LRRC4C: variants seen among roughly 807,000 people sequenced by gnomAD.
LRRC4C encodes leucine-rich repeat-containing protein 4C.
LRRC4C carries 5 observed loss-of-function variants against 33.6 expected under a neutral mutation model. That is an observed-to-expected ratio of 0.15 (90% CI 0.08 to 0.31). The LOEUF (loss-of-function observed/expected upper bound fraction) is 0.31, where lower values mean the gene tolerates loss of function less well. Among genes scored for constraint, LRRC4C ranks in the 10% least tolerant of loss-of-function variants. The probability of loss-of-function intolerance (pLI) is 1.00; values close to 1 mark genes in which losing one functional copy is unlikely to be tolerated. For missense variants in LRRC4C, 560 were observed against 796.7 expected (o/e 0.70, Z 3.58); for synonymous variants, 329 against 302.0 (o/e 1.09, Z -0.93).
chr11:40,781,330 T>C (rs963356794), intron 2 of LRRC4C, among the ~76,000 whole-genome samples: 12 of 151,972 alleles, frequency 7.9e-5, no homozygotes, highest in Admixed American at 2.6e-4. Flanking sequence ...CACACACACA[T>C]ATATTTATAT....
intron 1 of LRRC4C, among the ~76,000 whole-genome samples, chr11:41,194,004 G>A (rs1946076555): frequency 6.6e-6 from 1 of 151,830 alleles, no homozygotes; most frequent in Non-Finnish European, 1.5e-5. Flanking sequence ...TCTTCTGCCA[G>A]TGCCACCCTT....
At chr11:40,864,514 G>A (rs1954259185) in intron 2 of LRRC4C, among the ~76,000 whole-genome samples, 4 of 152,164 alleles carry the variant, frequency 2.6e-5, no homozygotes, top group Non-Finnish European at 4.4e-5. Context: ...CACTTGACAC[G>A]TAAAATATGT....
intron 4 of LRRC4C, among the ~76,000 whole-genome samples, chr11:40,247,060 T>A (rs1866398564): frequency 6.6e-6 from 1 of 152,078 alleles, no homozygotes; most frequent in South Asian, 2.1e-4. Context: ...TAAACTAATC[T>A]TGCTTGCTTT....
At chr11:40,607,092 G>A (rs1007235119) in intron 3 of LRRC4C, among the ~76,000 whole-genome samples, 5 of 152,142 alleles carry the variant, frequency 3.3e-5, no homozygotes, top group African/African-American at 1.2e-4. Flanking sequence ...AACAAAGCAA[G>A]AGTAATGTAT....
intron 1 of LRRC4C, among the ~76,000 whole-genome samples, chr11:41,189,732 G>T (rs1341731223): frequency 6.6e-6 from 1 of 152,166 alleles, no homozygotes; most frequent in Admixed American, 6.5e-5. Flanking sequence ...TATGAGAGGG[G>T]ATGAAAGAAG....
At chr11:40,992,087 C>A (rs951348894) in intron 1 of LRRC4C, among the ~76,000 whole-genome samples, 1 of 152,144 alleles carries the variant, frequency 6.6e-6, no homozygotes, top group Non-Finnish European at 1.5e-5. Flanking sequence ...TTTCACATAT[C>A]ACATATCCAC....
chr11:40,631,393 T>C (rs1316627738), intron 3 of LRRC4C, among the ~76,000 whole-genome samples: 1 of 152,126 alleles, frequency 6.6e-6, no homozygotes, highest in Non-Finnish European at 1.5e-5. Flanking sequence ...CCAGATATGT[T>C]TGGGGCCAGA....
intron 1 of LRRC4C, among the ~76,000 whole-genome samples, chr11:41,319,941 CTAAAA>C (rs1305869332): frequency 1.3e-5 from 2 of 151,436 alleles, no homozygotes; most frequent in Non-Finnish European, 2.9e-5. Context: ...AATATAGAAA[CTAAAA>C]TAAAAGTAAT....
chr11:40,707,517 G>A (rs1391627792), intron 2 of LRRC4C, among the ~76,000 whole-genome samples: 1 of 152,162 alleles, frequency 6.6e-6, no homozygotes, highest in Admixed American at 6.5e-5. Flanking sequence ...TACATTTATT[G>A]ATTTGCTTAT....
intron 2 of LRRC4C, among the ~76,000 whole-genome samples, chr11:40,677,183 C>T (rs180744874): frequency 2.4e-4 from 37 of 152,172 alleles, no homozygotes; most frequent in East Asian, 1.9e-4. Flanking sequence ...GACAGGAGAT[C>T]GACACCAGCC....
At chr11:41,284,290 A>G (rs1234652624) in intron 1 of LRRC4C, among the ~76,000 whole-genome samples, 4 of 152,256 alleles carry the variant, frequency 2.6e-5, no homozygotes, top group African/African-American at 9.6e-5. Context: ...ACTTCTGTGA[A>G]AGTGCGTTTT....
chr11:40,909,735 T>A (rs867807891), intron 2 of LRRC4C, among the ~76,000 whole-genome samples: 4 of 152,294 alleles, frequency 2.6e-5, no homozygotes, highest in Admixed American at 2.0e-4. Flanking sequence ...CTCTTTTCAG[T>A]TCTTTTACAA....
chr11:40,995,624 ATG>A (rs1391729201), intron 1 of LRRC4C, among the ~76,000 whole-genome samples: 1 of 152,144 alleles, frequency 6.6e-6, no homozygotes, highest in East Asian at 1.9e-4. Flanking sequence ...TAGATACCAT[ATG>A]TGTTTCTTAT....
At chr11:40,562,166 C>A (rs923815808) in intron 3 of LRRC4C, among the ~76,000 whole-genome samples, 4 of 152,156 alleles carry the variant, frequency 2.6e-5, no homozygotes, top group Non-Finnish European at 5.9e-5. Flanking sequence ...AACAATTAAA[C>A]CTCAATGGGA....
chr11:40,234,038 AG>A (rs1865384636), intron 5 of LRRC4C, among the ~76,000 whole-genome samples: 2 of 152,186 alleles, frequency 1.3e-5, no homozygotes, highest in Admixed American at 6.5e-5. Flanking sequence ...GAGGGTTCTA[AG>A]GTACTTCCCC....
intron 1 of LRRC4C, among the ~76,000 whole-genome samples, chr11:41,005,557 T>A (rs1854686023): frequency 6.6e-6 from 1 of 152,052 alleles, no homozygotes; most frequent in Non-Finnish European, 1.5e-5. Context: ...TGAGCCGATA[T>A]CATGCCACTG....
intron 1 of LRRC4C, among the ~76,000 whole-genome samples, chr11:41,262,407 TAA>T (rs71063907): frequency 1.4e-5 from 2 of 144,150 alleles, no homozygotes; most frequent in Non-Finnish European, 1.5e-5. Context: ...AACAGTTGAT[TAA>T]AAAAAAAAAA....
chr11:41,457,035 G>A (rs985704738), intron 1 of LRRC4C, among the ~76,000 whole-genome samples: 2 of 152,156 alleles, frequency 1.3e-5, no homozygotes, highest in Admixed American at 6.6e-5. Flanking sequence ...TGTTGCTATC[G>A]CTAAAAGATT....
intron 1 of LRRC4C, among the ~76,000 whole-genome samples, chr11:41,314,736 A>G (rs1950737080): frequency 6.6e-6 from 1 of 152,074 alleles, no homozygotes; most frequent in South Asian, 2.1e-4. Flanking sequence ...AACAGGGCAC[A>G]TGTATACCTA....
Sources: gnomAD v4.1 joint callset for allele counts (sites outside exome capture counted in the v4.1 genomes callset) on GRCh38, gnomAD v4.1.1 for gene constraint, MANE v1.5 for transcripts, NCBI Gene and HGNC (gene_info 2026-07-23, HGNC 2026-07-21) for gene names.